MYO10: variants seen among roughly 807,000 people sequenced by gnomAD.
The protein encoded by MYO10 is unconventional myosin-X.
MYO10 carries 133 observed loss-of-function variants against 257.3 expected under a neutral mutation model. The ratio of observed to expected loss-of-function variants is 0.52; its 90% CI spans 0.45 to 0.60. The LOEUF (loss-of-function observed/expected upper bound fraction) is 0.60. Among genes scored for constraint, MYO10 ranks in the 20% least tolerant of loss-of-function variants. The pLI is 0.00. For synonymous variants in MYO10, 1,104 were observed against 1,028.6 expected, an observed-to-expected ratio of 1.07 and a Z score of -1.40; for missense variants, 2,399 against 2,635.7, an observed-to-expected ratio of 0.91 and a Z score of 1.97.
intron 19 of MYO10, among the ~76,000 whole-genome samples, chr5:16,754,488 C>G (rs1265365194): frequency 6.6e-6 from 1 of 151,060 alleles, no homozygotes; most frequent in Non-Finnish European, 1.5e-5. Flanking sequence ...AAAAATCAGC[C>G]ACCACACATC....
At chr5:16,830,468 T>G (rs190063383) in intron 2 of MYO10, among the ~76,000 whole-genome samples, 44 of 152,180 alleles carry the variant, frequency 2.9e-4, no homozygotes, top group African/African-American at 1.1e-3. Context: ...TCTTGTTGCT[T>G]ATACCCACTA....
intron 3 of MYO10, chr5:16,815,542 T>G (rs912179150): frequency 9.1e-6 from 6 of 662,178 alleles, no homozygotes; most frequent in Non-Finnish European, 1.4e-5. Flanking sequence ...GTAATATGAA[T>G]GGCATTTATT....
chr5:16,709,615 C>G (rs911999092), intron 21 of MYO10, among the ~76,000 whole-genome samples: 2 of 152,042 alleles, frequency 1.3e-5, no homozygotes, highest in African/African-American at 2.4e-5. Context: ...ACCAAGTGAG[C>G]CTGGAAGATA....
chr5:16,781,630 A>G, intron 6 of MYO10, 75 bp downstream of exon 6: 1 of 1,403,832 alleles, frequency 7.1e-7, no homozygotes, highest in Non-Finnish European at 9.7e-7. Context: ...TTCTTTTTCA[A>G]TCCTTATAAT....
intron 2 of MYO10, among the ~76,000 whole-genome samples, chr5:16,851,049 C>T (rs1026502327): frequency 1.6e-4 from 25 of 152,038 alleles, no homozygotes; most frequent in Admixed American, 9.2e-4. Flanking sequence ...GTGATCCACC[C>T]GCTTTCAGGC....
intron 30 of MYO10, 139 bp downstream of exon 30, chr5:16,683,741 C>T (rs1737112888): frequency 9.3e-6 from 7 of 749,756 alleles, no homozygotes; most frequent in Admixed American, 2.5e-5. Context: ...GACTGGATTG[C>T]TGGGGTTGAC....
At chr5:16,692,056 TG>T (rs1378812761) in intron 27 of MYO10, among the ~76,000 whole-genome samples, 1 of 152,172 alleles carries the variant, frequency 6.6e-6, no homozygotes, top group Non-Finnish European at 1.5e-5. Flanking sequence ...AGACCTCATT[TG>T]GATTCTGACT....
At chr5:16,860,469 T>C (rs1262935549) in intron 2 of MYO10, among the ~76,000 whole-genome samples, 4 of 152,178 alleles carry the variant, frequency 2.6e-5, no homozygotes, top group African/African-American at 7.2e-5. Flanking sequence ...CCATATTTAC[T>C]GAGAAATGGA....
chr5:16,909,590 C>G (rs758888326), intron 1 of MYO10, among the ~76,000 whole-genome samples: 1 of 151,962 alleles, frequency 6.6e-6, no homozygotes, highest in African/African-American at 2.4e-5. Flanking sequence ...ACCCTGCCCC[C>G]GTGATTCAAT....
At chr5:16,768,244 T>G (rs1219335898) in intron 10 of MYO10, among the ~76,000 whole-genome samples, 2 of 152,126 alleles carry the variant, frequency 1.3e-5, no homozygotes, top group African/African-American at 4.8e-5. Flanking sequence ...AAATGACAAC[T>G]GACGTAGCTA....
chr5:16,841,973 C>T (rs540339203), intron 2 of MYO10, among the ~76,000 whole-genome samples: 6 of 131,770 alleles, frequency 4.6e-5, no homozygotes, highest in African/African-American at 1.8e-4. Flanking sequence ...ACAAAGAGGA[C>T]TCAATCATAG....
chr5:16,887,027 C>A (rs544171442), intron 1 of MYO10, among the ~76,000 whole-genome samples: 1 of 150,982 alleles, frequency 6.6e-6, no homozygotes, highest in South Asian at 2.1e-4. Context: ...CTAAAAAAAA[C>A]ACAGTAGGGT....
At chr5:16,848,155 C>CTTTTTTTTTTTTTTTTCTTTTTTTT (rs1554002457) in intron 2 of MYO10, among the ~76,000 whole-genome samples, 11 of 113,592 alleles carry the variant, frequency 9.7e-5, no homozygotes, top group African/African-American at 3.7e-4. Context: ...CTACACATTT[C>CTTTTTTTTTTTTTTTTCTTTTTTTT]TTTTTTTTTT....
At chr5:16,880,436 C>G (rs1210571491) in intron 1 of MYO10, among the ~76,000 whole-genome samples, 1 of 151,656 alleles carries the variant, frequency 6.6e-6, no homozygotes, top group African/African-American at 2.4e-5. Context: ...CCTAGTATCC[C>G]CTATTGTGAC....
rs180888377 is a variant in MYO10 at position 16,721,871 on chromosome 5, C to G, written c.1930-10626G>C. Among the ~76,000 whole-genome samples the G allele has an allele frequency of 8.1e-4, 124 of 152,292 alleles. 1 individual carries two copies. Among genetic ancestry groups the G allele is most frequent in the Admixed American group, 8.1e-3 (124 of 15,296 alleles). ...GGGATAGCTCTGGTTGTATCACAGCCCTGTTCACACAGAGCCAGCACATGC... is the reference window on the plus strand; with the variant it reads ...GGGATAGCTCTGGTTGTATCACAGCGCTGTTCACACAGAGCCAGCACATGC... On this transcript the variant is annotated intron_variant, in intron 19 of 40. Transcript: ENST00000513610.
chr5:16,895,932 G>C (rs998127065), intron 1 of MYO10, among the ~76,000 whole-genome samples: 2 of 152,200 alleles, frequency 1.3e-5, no homozygotes, highest in African/African-American at 2.4e-5. Context: ...CGGGGGCAGG[G>C]AGGAGCAGGG....
Position 16,794,627 on chromosome 5 carries a change from T to C in MYO10, c.467+19A>G. 6.3e-7 allele frequency: 1 copy of C among 1,592,534 alleles called. No homozygotes were observed. The highest frequency in any genetic ancestry group is 8.6e-7 in the Non-Finnish European group (1 of 1,168,516). ...CTCCTGGGCCATGGGAAAGTCCGACTGGCTGTGAGCCCCGTTACCTGATGA... is the reference window on the plus strand; with the variant it reads ...CTCCTGGGCCATGGGAAAGTCCGACCGGCTGTGAGCCCCGTTACCTGATGA... On this transcript the variant is annotated intron_variant, in intron 4 of 40. Coordinates refer to ENST00000513610, the MANE Select transcript of MYO10 (RefSeq NM_012334.3).
chr5:16,884,351 C>T (rs1744838218), intron 1 of MYO10, among the ~76,000 whole-genome samples: 1 of 152,096 alleles, frequency 6.6e-6, no homozygotes, highest in African/African-American at 2.4e-5. Context: ...GCCATGATTG[C>T]ACCACCTCAC....
chr5:16,790,916 C>T (rs114732901), intron 4 of MYO10, among the ~76,000 whole-genome samples: 55,710 of 121,844 alleles, frequency 0.46, 10,703 homozygotes, highest in Non-Finnish European at 0.52. Flanking sequence ...TATATATACA[C>T]ACACACACAC....
Sources: gnomAD v4.1 joint callset for allele counts (sites outside exome capture counted in the v4.1 genomes callset) on GRCh38, gnomAD v4.1.1 for gene constraint, MANE v1.5 for transcripts, NCBI Gene and HGNC (gene_info 2026-07-23, HGNC 2026-07-21) for gene names.